The following MAGI2 variants were observed in gnomAD, a reference collection of about 807,000 sequenced individuals.
MAGI2 encodes membrane associated guanylate kinase, WW and PDZ domain containing 2.
Under a neutral mutation model 133.3 loss-of-function variants are expected in MAGI2, and 35 were observed. The observed-to-expected ratio is 0.26, with a 90% CI of 0.20 to 0.35. MAGI2 has a LOEUF of 0.35. Among genes scored for constraint, MAGI2 ranks in the 10% least tolerant of loss-of-function variants. The probability of loss-of-function intolerance (pLI) is 1.00; values close to 1 mark genes in which losing one functional copy is unlikely to be tolerated. For missense variants in MAGI2, 1,636 were observed against 1,863.4 expected (o/e 0.88, Z 2.25); for synonymous variants, 729 against 710.6 (o/e 1.03, Z -0.41).
intron 2 of MAGI2, among the ~76,000 whole-genome samples, chr7:78,823,927 A>T (rs1210421494): frequency 6.6e-6 from 1 of 152,038 alleles, no homozygotes; most frequent in Non-Finnish European, 1.5e-5. Flanking sequence ...ACACACACAC[A>T]CACACACAAA....
At chr7:79,056,533 T>C (rs950947834) in intron 1 of MAGI2, among the ~76,000 whole-genome samples, 1 of 152,212 alleles carries the variant, frequency 6.6e-6, no homozygotes, top group African/African-American at 2.4e-5. Context: ...AATTCATTCA[T>C]GTATTCAGTT....
At chr7:78,789,897 T>C (rs1183733966) in intron 2 of MAGI2, among the ~76,000 whole-genome samples, 1 of 152,100 alleles carries the variant, frequency 6.6e-6, no homozygotes. Flanking sequence ...CATTTTGAAA[T>C]AAAATGAAAA....
At chr7:78,536,936 G>A (rs1798001788) in intron 3 of MAGI2, among the ~76,000 whole-genome samples, 1 of 151,952 alleles carries the variant, frequency 6.6e-6, no homozygotes, top group Non-Finnish European at 1.5e-5. Context: ...TGTACCCAAT[G>A]TGTAGTCTTT....
chr7:78,575,924 A>T (rs565356388), intron 3 of MAGI2, among the ~76,000 whole-genome samples: 2 of 152,300 alleles, frequency 1.3e-5, no homozygotes, highest in Admixed American at 1.3e-4. Flanking sequence ...TTCAGTTAAT[A>T]ATAATATATC....
intron 1 of MAGI2, among the ~76,000 whole-genome samples, chr7:79,333,832 G>A (rs1437217696): frequency 6.6e-6 from 1 of 152,052 alleles, no homozygotes; most frequent in African/African-American, 2.4e-5. Flanking sequence ...CAACTCAAGT[G>A]GAAGAAAAGT....
At chr7:78,369,568 A>G (rs1793718822) in intron 6 of MAGI2, among the ~76,000 whole-genome samples, 1 of 152,098 alleles carries the variant, frequency 6.6e-6, no homozygotes, top group Admixed American at 6.6e-5. Flanking sequence ...GTATTGCTAA[A>G]GGAGGATTTC....
intron 2 of MAGI2, among the ~76,000 whole-genome samples, chr7:78,676,500 C>G (rs1363997149): frequency 6.6e-6 from 1 of 152,076 alleles, no homozygotes; most frequent in Non-Finnish European, 1.5e-5. Flanking sequence ...AAAATTAATT[C>G]TCCTCTAAAA....
chr7:78,360,908 T>C (rs141606755), intron 7 of MAGI2, among the ~76,000 whole-genome samples: 7 of 152,304 alleles, frequency 4.6e-5, no homozygotes, highest in African/African-American at 7.2e-5. Context: ...GCAGAGAACA[T>C]GGTGTCTCCA....
chr7:78,216,237 C>G (rs1788257904), intron 10 of MAGI2, among the ~76,000 whole-genome samples: 1 of 152,202 alleles, frequency 6.6e-6, no homozygotes, highest in South Asian at 2.1e-4. Context: ...TGGTTATTTT[C>G]TAAATAGTCC....
intron 1 of MAGI2, among the ~76,000 whole-genome samples, chr7:79,056,959 A>G (rs1318906901): frequency 6.6e-6 from 1 of 152,198 alleles, no homozygotes; most frequent in South Asian, 2.1e-4. Context: ...TGAAACTGTG[A>G]ACAATACCTA....
At position 78,346,062 on chromosome 7, in the gene MAGI2, GA is replaced by G; in HGVS notation, c.1104-20del. 1 of 1,613,716 alleles carries G rather than the reference GA, an allele frequency of 6.2e-7. No individual in the cohort carries two copies. Among genetic ancestry groups the G allele is most frequent in the South Asian group, 1.1e-5 (1 of 91,036 alleles). On this transcript the variant is annotated intron_variant, in intron 7 of 21. Transcript: ENST00000354212. Reference sequence around the variant, plus strand: ...TATGTGGCTAAAAAAGAAAATTTCAGATTAGGATAACCGTGGGGCAAAGTTA... The same window carrying G: ...TATGTGGCTAAAAAAGAAAATTTCAGTTAGGATAACCGTGGGGCAAAGTTA...
At chr7:78,531,643 T>C (rs1797482679) in intron 3 of MAGI2, among the ~76,000 whole-genome samples, 1 of 152,186 alleles carries the variant, frequency 6.6e-6, no homozygotes, top group Non-Finnish European at 1.5e-5. Context: ...GCTCAGCAGA[T>C]TCTTGTGATA....
intron 1 of MAGI2, among the ~76,000 whole-genome samples, chr7:79,452,397 G>C (rs1239846078): frequency 6.6e-6 from 1 of 152,146 alleles, no homozygotes; most frequent in Non-Finnish European, 1.5e-5. Flanking sequence ...AGCGGGGGAG[G>C]GGGACACGGA....
intron 2 of MAGI2, among the ~76,000 whole-genome samples, chr7:78,821,209 G>C (rs957813363): frequency 6.6e-6 from 1 of 152,012 alleles, no homozygotes; most frequent in Non-Finnish European, 1.5e-5. Context: ...AGTACTATGA[G>C]ATATGTTACG....
chr7:79,190,059 T>A (rs2129551071), intron 1 of MAGI2, among the ~76,000 whole-genome samples: 1 of 151,994 alleles, frequency 6.6e-6, no homozygotes, highest in South Asian at 2.1e-4. Context: ...TAAATTTTTT[T>A]TGTCATTATG....
At chr7:78,549,037 A>C (rs561875715) in intron 3 of MAGI2, among the ~76,000 whole-genome samples, 1 of 152,258 alleles carries the variant, frequency 6.6e-6, no homozygotes, top group Admixed American at 6.5e-5. Flanking sequence ...ATTTTCTATA[A>C]ATAGATTGCT....
intron 10 of MAGI2, among the ~76,000 whole-genome samples, chr7:78,208,958 C>T (rs192410510): frequency 1.3e-4 from 20 of 151,706 alleles, no homozygotes; most frequent in African/African-American, 4.1e-4. Context: ...CGCGGTGGCT[C>T]ACGCCTGTAA....
chr7:78,973,996 C>T (rs967546386), intron 2 of MAGI2, among the ~76,000 whole-genome samples: 1 of 151,780 alleles, frequency 6.6e-6, no homozygotes. Flanking sequence ...CCCTGAACAG[C>T]ATCTTCCCTT....
At position 78,526,732 on chromosome 7, in the gene MAGI2, G is replaced by A. The variant is rs1048847117; in HGVS notation, c.539-5087C>T. ...TGTTATACAAATAGAAAAGTTGGCC[G>A]GGTGCCGTGGCTCACGCCTGTAATC... is the stretch of plus-strand genomic sequence containing the variant. On this transcript the variant is annotated intron_variant, in intron 3 of 21. Coordinates refer to ENST00000354212, the MANE Select transcript of MAGI2 (RefSeq NM_012301.4). Among the ~76,000 whole-genome samples the A allele has an allele frequency of 5.3e-5, 8 of 152,158 alleles. No individual in the cohort carries two copies. The East Asian group carries it at 5.8e-4, about 11-fold the overall frequency.
Sources: gnomAD v4.1 joint callset for allele counts (sites outside exome capture counted in the v4.1 genomes callset) on GRCh38, gnomAD v4.1.1 for gene constraint, MANE v1.5 for transcripts, NCBI Gene and HGNC (gene_info 2026-07-23, HGNC 2026-07-21) for gene names.